The following SENP1 variants were observed in gnomAD, a reference collection of about 807,000 sequenced individuals.
SENP1 encodes sentrin-specific protease 1.
SENP1 carries 21 observed loss-of-function variants against 93.0 expected under a neutral mutation model. The observed-to-expected ratio is 0.23, with a 90% CI of 0.16 to 0.33. The LOEUF is 0.33. SENP1 is among the 10% of genes least tolerant of loss of function. The probability of loss-of-function intolerance (pLI) is 1.00; values close to 1 mark genes in which losing one functional copy is unlikely to be tolerated. For synonymous variants in SENP1, 256 were observed against 259.6 expected, an observed-to-expected ratio of 0.99 and a Z score of 0.13; for missense variants, 591 against 758.7, an observed-to-expected ratio of 0.78 and a Z score of 2.60.
At chr12:48,087,103 A>C (rs1250132694) in intron 5 of SENP1, among the ~76,000 whole-genome samples, 1 of 152,176 alleles carries the variant, frequency 6.6e-6, no homozygotes, top group Admixed American at 6.6e-5. Context: ...TCTAGTTATA[A>C]GTGACAAAGC....
At position 48,065,160 on chromosome 12, in the gene SENP1, G is replaced by C. The variant is rs755018829; in HGVS notation, c.1180C>G (p.Leu394Val). 1.5e-5 allele frequency: 24 copies of C among 1,609,132 alleles called. No individual in the cohort carries two copies. Among genetic ancestry groups the C allele is most frequent in the Non-Finnish European group, 1.9e-5 (22 of 1,175,868 alleles). Reference sequence around the variant, plus strand: ...ACAGTAACAGGAATCTCCTTTTCAAGAGGTACACGAAGATGTAGTTCTACT... The same window carrying C: ...ACAGTAACAGGAATCTCCTTTTCAACAGGTACACGAAGATGTAGTTCTACT... ...DSVELHLRVP[L>V]EKEIPVTVVQ... The change falls in exon 12 of 18, where the codon CTT becomes GTT. Residue 394 changes from leucine (L) to valine (V), a missense_variant. Leu to Val is a conservative substitution (Grantham distance 32). Transcript: ENST00000549518.
At chr12:48,065,038 T>G (rs750622021) in intron 12 of SENP1, 27 bp downstream of exon 12, 1 of 1,439,276 alleles carries the variant, frequency 6.9e-7, no homozygotes, top group South Asian at 1.2e-5. Flanking sequence ...TACTTAGTAG[T>G]GTAGAAATTA....
rs1283916155 is a variant in SENP1 at position 48,071,734 on chromosome 12, A to G, written c.941-13T>C. ...ACAGAGTCTGATCCTAAAGAAACAC[A>G]AGAGCATTTCATTAGTAATAAAACT... On this transcript the variant is annotated splice_polypyrimidine_tract_variant and intron_variant, in intron 8 of 17. Coordinates refer to ENST00000549518, the MANE Select transcript of SENP1 (RefSeq NM_001267594.2). 1 of 1,582,556 alleles carries G rather than the reference A, an allele frequency of 6.3e-7. No individual in the cohort carries two copies. The highest frequency in any genetic ancestry group is 2.2e-5 in the East Asian group (1 of 44,682).
At chr12:48,103,844 C>A (rs1946136702) in intron 1 of SENP1, among the ~76,000 whole-genome samples, 1 of 152,108 alleles carries the variant, frequency 6.6e-6, no homozygotes, top group African/African-American at 2.4e-5. Flanking sequence ...TGCGGTGAAA[C>A]ACTTATAACC....
intron 6 of SENP1, among the ~76,000 whole-genome samples, chr12:48,079,413 T>C (rs897285554): frequency 3.9e-5 from 6 of 152,030 alleles, no homozygotes; most frequent in South Asian, 2.1e-4. Context: ...GCAGGAGAAT[T>C]GCTTGAACCC....
intron 10 of SENP1, among the ~76,000 whole-genome samples, chr12:48,066,393 A>C (rs932089721): frequency 6.6e-6 from 1 of 152,032 alleles, no homozygotes; most frequent in Non-Finnish European, 1.5e-5. Flanking sequence ...AGCTAACTCT[A>C]TTTTTCCAAT....
In SENP1 at chr12:48,056,767, AACATATT is replaced by A. The variant is rs1275747805; in HGVS notation, c.1407+6936_1407+6942del. Among the ~76,000 whole-genome samples, 8 of 60,838 alleles carry A rather than the reference AACATATT, an allele frequency of 1.3e-4. 1 individual carries two copies. Among genetic ancestry groups the A allele is most frequent in the Non-Finnish European group, 1.7e-4 (7 of 40,002 alleles). The allele number at this position is 60,838 out of a possible 152,430, so 39.9% of individuals were successfully genotyped here. ...ACATATTACATATATAAATATATTT[AACATATT>A]ACATATTACATATATATTATTTAAT... is the stretch of plus-strand genomic sequence containing the variant. On this transcript the variant is annotated intron_variant, in intron 13 of 17. Transcript: ENST00000549518.
chr12:48,086,579 G>A (rs11168400), intron 5 of SENP1, among the ~76,000 whole-genome samples: 1 of 152,232 alleles, frequency 6.6e-6, no homozygotes, highest in East Asian at 1.9e-4. Flanking sequence ...ACAAGATACT[G>A]TTTGTTTTTC....
intron 13 of SENP1, among the ~76,000 whole-genome samples, chr12:48,059,382 T>C (rs1011832342): frequency 3.9e-5 from 6 of 152,214 alleles, no homozygotes; most frequent in African/African-American, 1.4e-4. Context: ...CTATTAATAC[T>C]ACCTTATATA....
intron 1 of SENP1, among the ~76,000 whole-genome samples, chr12:48,102,339 G>T (rs927349584): frequency 7.1e-6 from 1 of 140,246 alleles, no homozygotes; most frequent in African/African-American, 2.7e-5. Flanking sequence ...GGCTGAGACA[G>T]AAGAATTGCT....
chr12:48,083,440 A>G (rs1262891344), intron 6 of SENP1, 151 bp downstream of exon 6: 1 of 678,526 alleles, frequency 1.5e-6, no homozygotes, highest in East Asian at 2.7e-5. Flanking sequence ...AGAATAGATG[A>G]TAACACTCAA....
At chr12:48,103,875 G>A (rs1946142768) in intron 1 of SENP1, among the ~76,000 whole-genome samples, 1 of 152,096 alleles carries the variant, frequency 6.6e-6, no homozygotes, top group South Asian at 2.1e-4. Flanking sequence ...GCAAAAAGGG[G>A]ATTATGAAAG....
intron 13 of SENP1, among the ~76,000 whole-genome samples, chr12:48,057,023 T>C: frequency 2.1e-5 from 1 of 46,696 alleles, no homozygotes; most frequent in Admixed American, 4.1e-4. Context: ...ATTACATATA[T>C]AAATATATTA....
Position 48,090,642 on chromosome 12 carries a change from G to T in SENP1, c.221-1682C>A, listed in dbSNP as rs567709489. 3.9e-5 allele frequency among the ~76,000 whole-genome samples: 6 copies of T among 152,300 alleles called. No individual in the cohort carries two copies. The East Asian group carries it at 1.2e-3, about 29-fold the overall frequency. Reference sequence around the variant, plus strand: ...GGCAGGGTCTCACTCTGTTGCCCAGGCTGGAGTGTAGTGGCACAATGATAG... The same window carrying T: ...GGCAGGGTCTCACTCTGTTGCCCAGTCTGGAGTGTAGTGGCACAATGATAG... On this transcript the variant is annotated intron_variant, in intron 4 of 17. Coordinates refer to ENST00000549518, the MANE Select transcript of SENP1 (RefSeq NM_001267594.2).
intron 2 of SENP1, 151 bp from the exon 3 acceptor site, chr12:48,098,275 G>A: frequency 2.9e-6 from 1 of 346,288 alleles, no homozygotes; most frequent in Non-Finnish European, 4.1e-6. Flanking sequence ...TGAGGCAGGA[G>A]GATTTTTTTG....
intron 13 of SENP1, among the ~76,000 whole-genome samples, chr12:48,054,317 T>C (rs971813773): frequency 6.6e-5 from 10 of 152,234 alleles, no homozygotes; most frequent in African/African-American, 1.7e-4. Context: ...CATATTTAGG[T>C]TGCTAAGCCT....
chr12:48,067,377 T>A (rs1244220790), intron 9 of SENP1, among the ~76,000 whole-genome samples: 1 of 152,166 alleles, frequency 6.6e-6, no homozygotes, highest in Non-Finnish European at 1.5e-5. Context: ...ATAATCTACA[T>A]CAAATGGCTA....
At chr12:48,105,803 G>C (rs922814199) in intron 1 of SENP1, 1 of 588,918 alleles carries the variant, frequency 1.7e-6, no homozygotes, top group African/African-American at 1.9e-5. Flanking sequence ...CAGAAGGAAC[G>C]GCCTCAGGTA....
At chr12:48,087,282 A>C (rs1330589542) in intron 5 of SENP1, among the ~76,000 whole-genome samples, 1 of 152,208 alleles carries the variant, frequency 6.6e-6, no homozygotes, top group Non-Finnish European at 1.5e-5. Context: ...GATATGTACT[A>C]AGATATTACA....
Sources: gnomAD v4.1 joint callset for allele counts (sites outside exome capture counted in the v4.1 genomes callset) on GRCh38, gnomAD v4.1.1 for gene constraint, MANE v1.5 for transcripts, NCBI Gene and HGNC (gene_info 2026-07-23, HGNC 2026-07-21) for gene names.